Variants in FMNL2 observed in about 807,000 individuals in gnomAD.
FMNL2 encodes the protein formin-like protein 2.
In FMNL2, 51 loss-of-function variants were observed where a neutral mutation model predicts 130.2. The observed-to-expected ratio is 0.39, with a 90% confidence interval of 0.31 to 0.49. FMNL2 has a LOEUF of 0.49. Among genes scored for constraint, FMNL2 ranks in the 20% least tolerant of loss-of-function variants. The pLI, the probability that FMNL2 is intolerant of heterozygous loss-of-function variation, is 0.85. For missense variants in FMNL2, 977 were observed against 1,316.2 expected, an observed-to-expected ratio of 0.74 and a Z score of 3.99; for synonymous variants, 465 against 467.1, an observed-to-expected ratio of 1.00 and a Z score of 0.06.
intron 1 of FMNL2, among the ~76,000 whole-genome samples, chr2:152,476,098 A>G (rs192861964): frequency 5.6e-4 from 85 of 152,288 alleles, no homozygotes; most frequent in African/African-American, 2.0e-3. Context: ...TATGAATACA[A>G]TGACTATTCA....
intron 6 of FMNL2, among the ~76,000 whole-genome samples, chr2:152,562,055 G>C (rs1347041862): frequency 6.6e-6 from 1 of 152,126 alleles, no homozygotes. Flanking sequence ...ATATTTTTGT[G>C]CTTCTTATTT....
intron 1 of FMNL2, among the ~76,000 whole-genome samples, chr2:152,409,129 A>T (rs1271026227): frequency 1.3e-5 from 2 of 152,178 alleles, no homozygotes; most frequent in Non-Finnish European, 2.9e-5. Flanking sequence ...TTCCTTCCTC[A>T]CCCCATATTT....
intron 2 of FMNL2, among the ~76,000 whole-genome samples, chr2:152,525,127 A>T (rs1452946460): frequency 6.6e-6 from 1 of 152,350 alleles, no homozygotes; most frequent in East Asian, 1.9e-4. Context: ...TCTGTTTCCA[A>T]ACTCTACTCA....
At chr2:152,552,535 A>T (rs548085474) in intron 4 of FMNL2, among the ~76,000 whole-genome samples, 1 of 152,226 alleles carries the variant, frequency 6.6e-6, no homozygotes, top group Non-Finnish European at 1.5e-5. Flanking sequence ...CAAGCAAAGG[A>T]CTTCTTCTGA....
At chr2:152,396,811 AAC>A (rs1477997155) in intron 1 of FMNL2, among the ~76,000 whole-genome samples, 1 of 152,192 alleles carries the variant, frequency 6.6e-6, no homozygotes, top group African/African-American at 2.4e-5. Flanking sequence ...CATTTAGAGT[AAC>A]AGTTATTCAA....
chr2:152,416,000 A>C (rs1686589301), intron 1 of FMNL2, among the ~76,000 whole-genome samples: 1 of 152,204 alleles, frequency 6.6e-6, no homozygotes, highest in South Asian at 2.1e-4. Context: ...TTTGGCATGC[A>C]GGAAATGGAT....
At chr2:152,488,842 C>T (rs1382102623) in intron 1 of FMNL2, among the ~76,000 whole-genome samples, 5 of 152,154 alleles carry the variant, frequency 3.3e-5, no homozygotes, top group Non-Finnish European at 7.3e-5. Flanking sequence ...CTTTGGGAGG[C>T]TGAGGCGGGA....
rs868603023 is a variant in FMNL2, at chr2:152,617,271, A to G, written c.1314+79A>G. 2.5e-5 allele frequency: 32 copies of G among 1,289,152 alleles called. No homozygotes were observed. The Middle Eastern group carries it at 1.1e-3, about 45-fold the overall frequency. 79.9% of individuals were successfully genotyped at this position (1,289,152 alleles called of 1,614,324 possible). A position where few individuals can be genotyped will look rare whatever the true frequency, so the allele number is the denominator to read the frequency against. On this transcript the variant is annotated intron_variant, in intron 13 of 25. Transcript: ENST00000288670. ...GCTTTCGTCCAGTGGAACGCAGAGT[A>G]CCTTCATTTCAGAGGAATGCATTGA...
At chr2:152,424,981 T>C (rs1039170376) in intron 1 of FMNL2, among the ~76,000 whole-genome samples, 4 of 152,266 alleles carry the variant, frequency 2.6e-5, no homozygotes, top group Non-Finnish European at 5.9e-5. Context: ...GTGTTGTTAA[T>C]TCACTTTTAA....
At position 152,473,091 on chromosome 2, in the gene FMNL2, G is replaced by C. The variant is rs143026454; in HGVS notation, c.118-48852G>C. Among the ~76,000 whole-genome samples, 130 of 152,296 alleles carry C rather than the reference G, an allele frequency of 8.5e-4. 2 individuals carry two copies. The highest frequency in any genetic ancestry group is 2.9e-3 in the African/African-American group (119 of 41,560). ...GGTTTTGGAATCTGTTTATTAGGTTGTGACCTTGAGATCATTCTATATGGA... is the reference window on the plus strand; with the variant it reads ...GGTTTTGGAATCTGTTTATTAGGTTCTGACCTTGAGATCATTCTATATGGA... On this transcript the variant is annotated intron_variant, in intron 1 of 25. Transcript: ENST00000288670.
intron 1 of FMNL2, among the ~76,000 whole-genome samples, chr2:152,359,494 TCACA>T (rs1683038723): frequency 1.4e-5 from 2 of 147,878 alleles, no homozygotes; most frequent in African/African-American, 2.5e-5. Flanking sequence ...TTTTTTTTTT[TCACA>T]TAACAGGTAA....
intron 1 of FMNL2, among the ~76,000 whole-genome samples, chr2:152,488,503 C>G (rs1402591454): frequency 1.3e-5 from 2 of 152,256 alleles, no homozygotes; most frequent in East Asian, 3.9e-4. Flanking sequence ...TTTATTTTTC[C>G]AAGACATGCT....
rs537550429 is a variant in FMNL2, at chr2:152,541,849, C to A, written c.202-890C>A. 7.2e-5 allele frequency among the ~76,000 whole-genome samples: 11 copies of A among 151,910 alleles called. No homozygotes were observed. The East Asian group carries it at 1.9e-3, about 27-fold the overall frequency. The stretch of plus-strand genomic sequence containing the variant: ...CTTGTTTTCATTGTAATCTAGTATA[C>A]CATTGTATGAACGTAAATATAAGTA... On this transcript the variant is annotated intron_variant, in intron 2 of 25. Coordinates refer to ENST00000288670, the MANE Select transcript of FMNL2 (RefSeq NM_052905.4).
chr2:152,367,578 T>C (rs901037106), intron 1 of FMNL2, among the ~76,000 whole-genome samples: 4 of 152,194 alleles, frequency 2.6e-5, no homozygotes, highest in Non-Finnish European at 4.4e-5. Context: ...TGGTAATTTG[T>C]AGAACAGGTT....
At chr2:152,561,106 G>T in intron 6 of FMNL2, 71 bp downstream of exon 6, 1 of 1,456,292 alleles carries the variant, frequency 6.9e-7, no homozygotes, top group Non-Finnish European at 9.2e-7. Flanking sequence ...TTCTTTTGAT[G>T]ATTCTGGGCA....
rs1399145651 is a variant in FMNL2 at position 152,412,444 on chromosome 2, TTTTATATATATATA to T, written c.117+76726_117+76739del. 1.0e-3 allele frequency among the ~76,000 whole-genome samples: 104 copies of T among 103,358 alleles called. 2 individuals carry two copies. Among genetic ancestry groups the T allele is most frequent in the East Asian group, 8.3e-3 (24 of 2,876 alleles). The allele number at this position is 103,358 out of a possible 152,430, so 67.8% of individuals were successfully genotyped here. A position where few individuals can be genotyped will look rare whatever the true frequency, so the allele number is the denominator to read the frequency against. On this transcript the variant is annotated intron_variant, in intron 1 of 25. Coordinates refer to ENST00000288670, the MANE Select transcript of FMNL2 (RefSeq NM_052905.4). ...ATTTCCTCTTACTTTCTTCTGTATA[TTTTATATATATATA>T]TATATATATATATATATATATATAT...
At chr2:152,363,987 G>T (rs1002618855) in intron 1 of FMNL2, among the ~76,000 whole-genome samples, 1 of 152,154 alleles carries the variant, frequency 6.6e-6, no homozygotes, top group African/African-American at 2.4e-5. Flanking sequence ...GTTGGTGGTG[G>T]TGTTTATATT....
intron 1 of FMNL2, among the ~76,000 whole-genome samples, chr2:152,374,661 T>A (rs185201227): frequency 7.0e-4 from 106 of 152,328 alleles, no homozygotes; most frequent in Admixed American, 6.4e-3. Flanking sequence ...TATGAGAAAC[T>A]GCTTTACAAA....
intron 3 of FMNL2, among the ~76,000 whole-genome samples, chr2:152,547,434 T>G (rs763168001): frequency 9.9e-5 from 15 of 152,228 alleles, no homozygotes; most frequent in African/African-American, 3.6e-4. Context: ...TACTTCTTAC[T>G]ATACCTGGAT....
Sources: gnomAD v4.1 joint callset for allele counts (sites outside exome capture counted in the v4.1 genomes callset) on GRCh38, gnomAD v4.1.1 for gene constraint, MANE v1.5 for transcripts, NCBI Gene and HGNC (gene_info 2026-07-23, HGNC 2026-07-21) for gene names.